GARIN3: variants seen among roughly 807,000 people sequenced by gnomAD.
GARIN3 encodes the protein Golgi-associated RAB2 interactor protein 3.
At chr5:157,165,969 A>G in the GARIN3 span, 1 of 1,614,152 alleles carries the variant, frequency 6.2e-7, no homozygotes, top group Non-Finnish European at 8.5e-7. Context: ...CACCATTCGG[A>G]CACGGTTGTG....
At chr5:157,163,480 G>C in the GARIN3 span, 1 of 1,614,206 alleles carries the variant, frequency 6.2e-7, no homozygotes. Context: ...TGTCCTTGCT[G>C]CTCCTCCTTC....
chr5:157,162,478 T>G, the GARIN3 span: 1 of 1,614,134 alleles, frequency 6.2e-7, no homozygotes, highest in South Asian at 1.1e-5. Flanking sequence ...GACGATCATC[T>G]CCGTCTTCTC....
the GARIN3 span, chr5:157,163,128 A>G: frequency 6.2e-7 from 1 of 1,614,170 alleles, no homozygotes; most frequent in Non-Finnish European, 8.5e-7. Flanking sequence ...TGGTCGTAAT[A>G]CTGCCTGCAA....
chr5:157,163,225 C>G, the GARIN3 span: 137 of 1,613,792 alleles, frequency 8.5e-5, no homozygotes, highest in Non-Finnish European at 1.1e-4. Flanking sequence ...GCTTGCAGCA[C>G]CCACCAAGGC....
the GARIN3 span, chr5:157,162,880 T>G: frequency 6.2e-7 from 1 of 1,614,242 alleles, no homozygotes; most frequent in Non-Finnish European, 8.5e-7. Context: ...AGACGCTTTC[T>G]GATTCTTGTC....
At chr5:157,162,898 C>T in the GARIN3 span, 193 of 1,614,192 alleles carry the variant, frequency 1.2e-4, 2 homozygotes, top group South Asian at 2.0e-3. Context: ...GTCCCCCGCT[C>T]TCCTGCGGTG....
At chr5:157,163,091 C>T in the GARIN3 span, 1 of 1,614,232 alleles carries the variant, frequency 6.2e-7, no homozygotes, top group Non-Finnish European at 8.5e-7. Flanking sequence ...ACTGCTGGTC[C>T]TTCAGTTCTT....
At chr5:157,164,371 C>T in the GARIN3 span, among the ~76,000 whole-genome samples, 7 of 151,842 alleles carry the variant, frequency 4.6e-5, no homozygotes, top group Admixed American at 3.9e-4. Flanking sequence ...AGGCTGGTGT[C>T]GATCTCCTGA....
At chr5:157,165,485 C>A in the GARIN3 span, 3 of 1,520,996 alleles carry the variant, frequency 2.0e-6, no homozygotes, top group Non-Finnish European at 2.6e-6. Context: ...CAGAAGGCAC[C>A]AAAGGCTTTG....
At chr5:157,166,018 A>G in the GARIN3 span, 1 of 1,614,136 alleles carries the variant, frequency 6.2e-7, no homozygotes, top group Middle Eastern at 1.6e-4. Flanking sequence ...ATCTGAATAA[A>G]ATTACTCTCG....
At chr5:157,163,460 T>C in the GARIN3 span, 2 of 1,614,222 alleles carry the variant, frequency 1.2e-6, no homozygotes, top group Non-Finnish European at 1.7e-6. Context: ...GCCACTGCCA[T>C]GCCACCTGCT....
chr5:157,162,596 C>T, the GARIN3 span: 2 of 1,614,190 alleles, frequency 1.2e-6, no homozygotes, highest in East Asian at 4.5e-5. Context: ...ATATCTACCT[C>T]TCTGTCATGT....
the GARIN3 span, chr5:157,166,032 A>C: frequency 3.1e-6 from 5 of 1,614,000 alleles, no homozygotes; most frequent in Non-Finnish European, 4.2e-6. Flanking sequence ...ACTCTCGAAC[A>C]TTGGTGCATA....
the GARIN3 span, chr5:157,162,803 C>A: frequency 1.9e-6 from 3 of 1,614,200 alleles, no homozygotes; most frequent in Non-Finnish European, 2.5e-6. Flanking sequence ...TTGCCCCTTA[C>A]GTTGCTGTAC....
At chr5:157,162,761 G>T in the GARIN3 span, 9 of 1,614,040 alleles carry the variant, frequency 5.6e-6, no homozygotes, top group African/African-American at 1.3e-5. Context: ...GTGGAGCTGT[G>T]GGTGGAGCTC....
the GARIN3 span, chr5:157,165,536 A>C: frequency 6.3e-7 from 1 of 1,577,258 alleles, no homozygotes. Flanking sequence ...AACCTGCCCC[A>C]TGTTCTCGAG....
the GARIN3 span, chr5:157,163,673 A>G: frequency 6.2e-7 from 1 of 1,603,122 alleles, no homozygotes; most frequent in Non-Finnish European, 8.5e-7. Context: ...ACCAAGGGGA[A>G]GAGAAACAGA....
At chr5:157,165,284 C>T in the GARIN3 span, among the ~76,000 whole-genome samples, 1 of 152,184 alleles carries the variant, frequency 6.6e-6, no homozygotes, top group Non-Finnish European at 1.5e-5. Context: ...CAAGAAAAGA[C>T]TGACGATCAG....
chr5:157,164,146 C>CTTTT, the GARIN3 span, among the ~76,000 whole-genome samples: 8 of 127,204 alleles, frequency 6.3e-5, no homozygotes, highest in Non-Finnish European at 1.0e-4. Context: ...AGTCTTTTGT[C>CTTTT]TTTTTTTTTT....
Sources: gnomAD v4.1 joint callset for allele counts (sites outside exome capture counted in the v4.1 genomes callset) on GRCh38, gnomAD v4.1.1 for gene constraint, MANE v1.5 for transcripts, NCBI Gene and HGNC (gene_info 2026-07-23, HGNC 2026-07-21) for gene names.